The following CDH18 variants were observed in gnomAD, a reference collection of about 807,000 sequenced individuals.
CDH18 encodes the protein cadherin 18.
In CDH18, 31 loss-of-function variants were observed where a neutral mutation model predicts 67.9. That is an observed-to-expected ratio of 0.46 (90% CI 0.34 to 0.62). The LOEUF is 0.62. Ranked by LOEUF, CDH18 falls within the 20% of genes least tolerant of loss-of-function variation. The pLI is 0.01. For synonymous variants in CDH18, 362 were observed against 347.2 expected, an observed-to-expected ratio of 1.04 and a Z score of -0.48; for missense variants, 890 against 975.5, an observed-to-expected ratio of 0.91 and a Z score of 1.17.
intron 3 of CDH18, among the ~76,000 whole-genome samples, chr5:19,807,427 A>G (rs1778151808): frequency 6.6e-6 from 1 of 152,228 alleles, no homozygotes; most frequent in Admixed American, 6.5e-5. Flanking sequence ...ATGACTGTAC[A>G]TTGATACTAC....
chr5:19,739,642 G>T (rs998506332), intron 4 of CDH18, among the ~76,000 whole-genome samples: 2 of 152,146 alleles, frequency 1.3e-5, no homozygotes, highest in African/African-American at 2.4e-5. Flanking sequence ...AAATAAAGAA[G>T]AAAATTATGA....
chr5:19,969,394 T>A (rs367787829), intron 2 of CDH18, among the ~76,000 whole-genome samples: 1 of 150,098 alleles, frequency 6.7e-6, no homozygotes, highest in Non-Finnish European at 1.5e-5. Context: ...CACATGCACA[T>A]GTATGTTTAT....
intron 5 of CDH18, among the ~76,000 whole-genome samples, chr5:19,668,374 T>C (rs1758254234): frequency 3.4e-5 from 1 of 29,060 alleles, no homozygotes; most frequent in Admixed American, 5.6e-4. Flanking sequence ...CTATGACTCT[T>C]ATTAGCATTA....
intron 1 of CDH18, among the ~76,000 whole-genome samples, chr5:20,542,565 C>A (rs771082752): frequency 6.6e-6 from 1 of 151,482 alleles, no homozygotes; most frequent in East Asian, 1.9e-4. Flanking sequence ...TATATATACA[C>A]ACATGCTAAA....
chr5:19,495,026 A>T (rs1742054843), intron 11 of CDH18, among the ~76,000 whole-genome samples: 1 of 152,200 alleles, frequency 6.6e-6, no homozygotes, highest in South Asian at 2.1e-4. Flanking sequence ...CTGTGAGAAC[A>T]TAATTCTTTG....
intron 1 of CDH18, among the ~76,000 whole-genome samples, chr5:20,306,067 G>T (rs941509222): frequency 1.3e-5 from 2 of 152,232 alleles, no homozygotes; most frequent in East Asian, 3.9e-4. Context: ...GAGACAGTGC[G>T]ATCAGAACTT....
intron 2 of CDH18, among the ~76,000 whole-genome samples, chr5:19,994,824 A>C (rs1413546827): frequency 1.7e-5 from 1 of 60,516 alleles, no homozygotes; most frequent in Admixed American, 2.6e-4. Context: ...TGTATATATA[A>C]AGAGAATATA....
At chr5:20,351,191 T>TGTGTGTGTGTGTGTGTGTGTGTGC (rs1420969028) in intron 1 of CDH18, among the ~76,000 whole-genome samples, 1 of 148,680 alleles carries the variant, frequency 6.7e-6, no homozygotes, top group African/African-American at 2.5e-5. Flanking sequence ...TGTGTGTGTG[T>TGTGTGTGTGTGTGTGTGTGTGTGC]GCGTGTGTGT....
chr5:20,513,387 T>C (rs1298373816), intron 1 of CDH18, among the ~76,000 whole-genome samples: 1 of 152,134 alleles, frequency 6.6e-6, no homozygotes, highest in Non-Finnish European at 1.5e-5. Context: ...TCTGTGAAAA[T>C]GCTGTTCCAG....
intron 2 of CDH18, among the ~76,000 whole-genome samples, chr5:20,201,798 T>A (rs112283192): frequency 6.6e-6 from 1 of 152,116 alleles, no homozygotes; most frequent in Admixed American, 6.6e-5. Flanking sequence ...AGAAGCACAT[T>A]CCATAGAAGA....
At chr5:20,467,260 G>T (rs572403074) in intron 1 of CDH18, among the ~76,000 whole-genome samples, 75 of 151,940 alleles carry the variant, frequency 4.9e-4, no homozygotes, top group African/African-American at 1.6e-3. Flanking sequence ...AAATAAGGCT[G>T]CCCTTAATTT....
intron 5 of CDH18, among the ~76,000 whole-genome samples, chr5:19,691,656 G>T (rs922552389): frequency 1.3e-5 from 2 of 151,658 alleles, no homozygotes; most frequent in African/African-American, 4.8e-5. Flanking sequence ...AAATACCTAG[G>T]AATAAATTTA....
intron 2 of CDH18, among the ~76,000 whole-genome samples, chr5:19,945,025 A>C (rs1049794344): frequency 6.6e-6 from 1 of 152,150 alleles, no homozygotes; most frequent in African/African-American, 2.4e-5. Context: ...ATAGACACTA[A>C]GTGTGGATCC....
chr5:19,608,158 A>C (rs931896990), intron 6 of CDH18, among the ~76,000 whole-genome samples: 1 of 151,818 alleles, frequency 6.6e-6, no homozygotes, highest in Non-Finnish European at 1.5e-5. Context: ...AATGAAATTT[A>C]CATATGTAGA....
chr5:20,554,409 T>C (rs1289861903), intron 1 of CDH18, among the ~76,000 whole-genome samples: 1 of 152,238 alleles, frequency 6.6e-6, no homozygotes, highest in Non-Finnish European at 1.5e-5. Flanking sequence ...TATTTATGAA[T>C]GGAATTGTTA....
chr5:20,521,065 G>A (rs933634275), intron 1 of CDH18, among the ~76,000 whole-genome samples: 2 of 152,082 alleles, frequency 1.3e-5, no homozygotes. Context: ...AGTGCCTCAA[G>A]GGAAACAGAA....
intron 3 of CDH18, among the ~76,000 whole-genome samples, chr5:19,802,373 T>C (rs780620845): frequency 4.6e-5 from 7 of 152,158 alleles, no homozygotes; most frequent in Admixed American, 1.3e-4. Context: ...AAGTAAAATC[T>C]CTTTTTCAAA....
At chr5:20,250,155 C>T (rs939758581) in intron 2 of CDH18, among the ~76,000 whole-genome samples, 1 of 152,154 alleles carries the variant, frequency 6.6e-6, no homozygotes, top group African/African-American at 2.4e-5. Context: ...AACATAAAGA[C>T]ATGGTTAGGG....
chr5:20,150,492 G>A (rs941433361), intron 2 of CDH18, among the ~76,000 whole-genome samples: 2 of 152,030 alleles, frequency 1.3e-5, no homozygotes, highest in Admixed American at 6.6e-5. Context: ...ATACAATCAA[G>A]GAAGTGTTTA....
Sources: allele counts gnomAD v4.1 joint callset (sites outside exome capture counted in the v4.1 genomes callset), GRCh38; gene constraint gnomAD v4.1.1; transcripts MANE v1.5; gene names NCBI Gene and HGNC (gene_info 2026-07-23, HGNC 2026-07-21).